Variants in ASIC2 observed in about 807,000 individuals in gnomAD.
The protein encoded by ASIC2 is acid-sensing ion channel 2.
In ASIC2, 25 loss-of-function variants were observed where a neutral mutation model predicts 57.3. The observed-to-expected ratio is 0.44, with a 90% CI of 0.32 to 0.61. The LOEUF (loss-of-function observed/expected upper bound fraction) is 0.61, where lower values mean the gene tolerates loss of function less well. Ranked by LOEUF, ASIC2 falls within the 20% of genes least tolerant of loss-of-function variation. The pLI, the probability that ASIC2 is intolerant of heterozygous loss-of-function variation, is 0.06. For missense variants in ASIC2, 641 were observed against 738.1 expected, an observed-to-expected ratio of 0.87 and a Z score of 1.52; for synonymous variants, 319 against 307.5, an observed-to-expected ratio of 1.04 and a Z score of -0.39.
At chr17:33,799,403 T>TTTCTTTTCTTTCTTTC (rs756059318) in intron 1 of ASIC2, among the ~76,000 whole-genome samples, 5 of 51,362 alleles carry the variant, frequency 9.7e-5, no homozygotes, top group African/African-American at 3.2e-4. Context: ...TCTTTCTTTC[T>TTTCTTTTCTTTCTTTC]TTTCTTTCTT....
chr17:33,425,640 A>G (rs560526873), intron 1 of ASIC2, among the ~76,000 whole-genome samples: 1 of 152,192 alleles, frequency 6.6e-6, no homozygotes, highest in Admixed American at 6.5e-5. Context: ...ACACAGAGAG[A>G]TGGTGGTCAG....
chr17:33,940,441 C>T (rs1916162878), intron 1 of ASIC2, among the ~76,000 whole-genome samples: 1 of 152,096 alleles, frequency 6.6e-6, no homozygotes, highest in Admixed American at 6.5e-5. Context: ...CCACAGTGGG[C>T]CTAAAGGCAG....
chr17:33,394,287 G>A (rs1388518282), intron 1 of ASIC2, among the ~76,000 whole-genome samples: 1 of 152,156 alleles, frequency 6.6e-6, no homozygotes, highest in Non-Finnish European at 1.5e-5. Flanking sequence ...TGAGAATGGT[G>A]CCACAGAAAA....
chr17:33,022,455 T>C (rs142382629), intron 6 of ASIC2, among the ~76,000 whole-genome samples: 9 of 152,202 alleles, frequency 5.9e-5, no homozygotes, highest in African/African-American at 2.2e-4. Flanking sequence ...CAAATTTGAG[T>C]CTGTCACTCA....
At chr17:33,382,447 T>A (rs902915874) in intron 1 of ASIC2, among the ~76,000 whole-genome samples, 4 of 152,150 alleles carry the variant, frequency 2.6e-5, no homozygotes, top group Non-Finnish European at 4.4e-5. Flanking sequence ...ATGGCCTTCT[T>A]CACAGCAGGA....
intron 1 of ASIC2, among the ~76,000 whole-genome samples, chr17:33,542,798 GT>G (rs1309332447): frequency 7.0e-6 from 1 of 143,636 alleles, no homozygotes; most frequent in African/African-American, 2.6e-5. Flanking sequence ...TGCTTTTGGT[GT>G]TTTGGACATG....
chr17:33,920,696 C>G (rs559151391), intron 1 of ASIC2, among the ~76,000 whole-genome samples: 1 of 152,278 alleles, frequency 6.6e-6, no homozygotes, highest in South Asian at 2.1e-4. Flanking sequence ...ACATGTACCC[C>G]CTGAATCTAA....
chr17:33,440,600 C>A (rs1232418571), intron 1 of ASIC2, among the ~76,000 whole-genome samples: 1 of 152,198 alleles, frequency 6.6e-6, no homozygotes, highest in Non-Finnish European at 1.5e-5. Flanking sequence ...GTTCCAATTT[C>A]TTCATATCCT....
intron 1 of ASIC2, among the ~76,000 whole-genome samples, chr17:33,764,278 C>T (rs1048263504): frequency 1.3e-5 from 2 of 149,662 alleles, no homozygotes; most frequent in African/African-American, 5.0e-5. Context: ...GATCGCGCCA[C>T]TGCACTCCAG....
intron 1 of ASIC2, among the ~76,000 whole-genome samples, chr17:33,307,971 T>C (rs1348265810): frequency 6.6e-6 from 1 of 152,252 alleles, no homozygotes; most frequent in Non-Finnish European, 1.5e-5. Flanking sequence ...TGTTAGCTCC[T>C]GTTTTAAGAT....
At chr17:33,326,450 T>C (rs1490723280) in intron 1 of ASIC2, among the ~76,000 whole-genome samples, 1 of 152,228 alleles carries the variant, frequency 6.6e-6, no homozygotes, top group African/African-American at 2.4e-5. Context: ...ATTTAACCTC[T>C]CTGAGCCTCA....
At chr17:33,587,774 C>A (rs921191673) in intron 1 of ASIC2, among the ~76,000 whole-genome samples, 1 of 152,252 alleles carries the variant, frequency 6.6e-6, no homozygotes, top group African/African-American at 2.4e-5. Context: ...TGTCTACTCT[C>A]TCCCCTTGAT....
intron 3 of ASIC2, among the ~76,000 whole-genome samples, chr17:33,065,524 C>A (rs2092040175): frequency 6.6e-6 from 1 of 152,064 alleles, no homozygotes; most frequent in African/African-American, 2.4e-5. Flanking sequence ...GCTTTGTCGC[C>A]CAGGCTGGCC....
chr17:33,642,748 A>G (rs1351723908), intron 1 of ASIC2, among the ~76,000 whole-genome samples: 3 of 152,186 alleles, frequency 2.0e-5, no homozygotes, highest in African/African-American at 7.2e-5. Flanking sequence ...ATATGGTGCT[A>G]TCTGACCAGG....
chr17:33,746,299 T>C (rs1910256415), intron 1 of ASIC2, among the ~76,000 whole-genome samples: 3 of 150,164 alleles, frequency 2.0e-5, no homozygotes, highest in African/African-American at 7.3e-5. Flanking sequence ...CATATACACG[T>C]ATGTATATAC....
intron 1 of ASIC2, among the ~76,000 whole-genome samples, chr17:33,522,865 T>G (rs1018484420): frequency 6.6e-6 from 1 of 152,106 alleles, no homozygotes; most frequent in Non-Finnish European, 1.5e-5. Flanking sequence ...GAAAACTGCC[T>G]CCCGCTCTGC....
chr17:33,830,409 G>C (rs1913066432), intron 1 of ASIC2, among the ~76,000 whole-genome samples: 1 of 152,034 alleles, frequency 6.6e-6, no homozygotes, highest in Non-Finnish European at 1.5e-5. Flanking sequence ...GATGTTAGCG[G>C]GATGGGGAGA....
intron 1 of ASIC2, among the ~76,000 whole-genome samples, chr17:33,836,232 C>A (rs1913271509): frequency 6.6e-6 from 1 of 150,518 alleles, no homozygotes; most frequent in South Asian, 2.1e-4. Flanking sequence ...ATTCTCATGC[C>A]TCCCAGGTAG....
At chr17:33,928,241 C>T (rs760202608) in intron 1 of ASIC2, among the ~76,000 whole-genome samples, 3 of 152,204 alleles carry the variant, frequency 2.0e-5, no homozygotes, top group Non-Finnish European at 4.4e-5. Context: ...GGCGACCTTT[C>T]GAAGGTGCTC....
Sources: gnomAD v4.1 joint callset for allele counts (sites outside exome capture counted in the v4.1 genomes callset) on GRCh38, gnomAD v4.1.1 for gene constraint, MANE v1.5 for transcripts, NCBI Gene and HGNC (gene_info 2026-07-23, HGNC 2026-07-21) for gene names.